Variants in ECE1 observed in about 807,000 individuals in gnomAD.
ECE1 encodes endothelin converting enzyme 1.
ECE1 carries 35 observed loss-of-function variants against 98.6 expected under a neutral mutation model. The ratio of observed to expected loss-of-function variants is 0.35; its 90% CI spans 0.27 to 0.47. The LOEUF is 0.47. Among genes scored for constraint, ECE1 ranks in the 20% least tolerant of loss-of-function variants. ECE1 has a pLI of 1.00. For synonymous variants in ECE1, 394 were observed against 407.1 expected, an observed-to-expected ratio of 0.97 and a Z score of 0.39; for missense variants, 814 against 1,025.3, an observed-to-expected ratio of 0.79 and a Z score of 2.81.
At chr1:21,282,411 A>C (rs1558411727) in intron 2 of ECE1, among the ~76,000 whole-genome samples, 1 of 148,428 alleles carries the variant, frequency 6.7e-6, no homozygotes, top group Non-Finnish European at 1.5e-5. Context: ...AACATGGTGA[A>C]ACCCTGTCTC....
At chr1:21,264,675 C>G (rs967363178) in intron 4 of ECE1, among the ~76,000 whole-genome samples, 1 of 152,194 alleles carries the variant, frequency 6.6e-6, no homozygotes, top group South Asian at 2.1e-4. Context: ...GGCAATACTG[C>G]CCCCAGGAAT....
upstream of ECE1, among the ~76,000 whole-genome samples, chr1:21,294,887 G>A (rs1277844077): frequency 1.3e-5 from 2 of 152,212 alleles, no homozygotes; most frequent in Non-Finnish European, 2.9e-5. This position sits in a 1 kb window ranked among gnomAD's most constrained non-coding sequence, Gnocchi z 4.2. Flanking sequence ...CCTTAGAGAC[G>A]CTGCCCTTTG....
chr1:21,232,813 G>A (rs947475002), intron 14 of ECE1, among the ~76,000 whole-genome samples: 3 of 151,974 alleles, frequency 2.0e-5, no homozygotes, highest in Non-Finnish European at 2.9e-5. Flanking sequence ...GAGTAGCTGG[G>A]ACTACAGGTG....
intron 8 of ECE1, among the ~76,000 whole-genome samples, chr1:21,252,364 C>T (rs3026888): frequency 0.021 from 3,236 of 152,328 alleles, 56 homozygotes; most frequent in Middle Eastern, 0.034. Context: ...CTAGGACATT[C>T]CACTTGTGAC....
At chr1:21,343,493 G>T (rs1639441103) in intron 1 of ECE1, among the ~76,000 whole-genome samples, 1 of 152,212 alleles carries the variant, frequency 6.6e-6, no homozygotes, top group South Asian at 2.1e-4. Context: ...GGGCAAATAG[G>T]TTAGATGTTA....
intron 10 of ECE1, among the ~76,000 whole-genome samples, 157 bp downstream of exon 10, chr1:21,244,832 C>T (rs1336911723): frequency 1.3e-5 from 2 of 152,154 alleles, no homozygotes; most frequent in Non-Finnish European, 2.9e-5. Context: ...GGCTGAGTGG[C>T]TAGGACTCCT....
rs1467274916 is a variant in ECE1 at position 21,220,708 on chromosome 1, AT to A, written c.2137-578del. On this transcript the variant is annotated intron_variant, in intron 18 of 18. Transcript: ENST00000374893. The surrounding 1 kb of genome is among the most constrained non-coding windows in gnomAD (Gnocchi z 5.0). ...CTACATGAGAGGATGAGGCAGGAGA[AT>A]CACTTGAACCCGGGAGGTTGAGGTT... Among the ~76,000 whole-genome samples the A allele has an allele frequency of 2.0e-5, 3 of 152,176 alleles. No homozygotes were observed. Among genetic ancestry groups the A allele is most frequent in the African/African-American group, 7.2e-5 (3 of 41,440 alleles).
At chr1:21,300,789 A>G (rs1638466675) in intron 1 of ECE1, among the ~76,000 whole-genome samples, 1 of 152,106 alleles carries the variant, frequency 6.6e-6, no homozygotes, top group South Asian at 2.1e-4. Context: ...TCTTAAGAGC[A>G]TAGACTCTGA....
At chr1:21,272,957 G>A (rs1402702989) in intron 3 of ECE1, 46 bp from the exon 4 acceptor site, 2 of 1,607,204 alleles carry the variant, frequency 1.2e-6, no homozygotes, top group Admixed American at 1.7e-5. Flanking sequence ...AGGCAGGGAA[G>A]AAGCAGGGAG....
rs769493597 is a variant in ECE1 at position 21,236,757 on chromosome 1, C to T, written c.1477G>A (p.Ala493Thr). ...CTGGCCAGCCTCACCTTTTCCTTGGCTGATTTTCGGGTTTCCTCATCCATC... is the reference window on the plus strand; with the variant it reads ...CTGGCCAGCCTCACCTTTTCCTTGGTTGATTTTCGGGTTTCCTCATCCATC... ...KWMDEETRKS[A>T]KEKADAIYNM... The change falls in exon 12 of 19, where the codon GCC becomes ACC. Residue 493 changes from alanine to threonine, a missense_variant. Coordinates refer to ENST00000374893, the MANE Select transcript of ECE1 (RefSeq NM_001397.3). The T allele has an allele frequency of 8.7e-6, 14 of 1,614,092 alleles. No individual in the cohort carries two copies. In the South Asian group the frequency reaches 1.4e-4, roughly 16 times the overall value.
intron 1 of ECE1, among the ~76,000 whole-genome samples, chr1:21,323,552 A>C (rs111841967): frequency 0.022 from 3,287 of 152,062 alleles, 121 homozygotes; most frequent in African/African-American, 0.075. Flanking sequence ...TGAGCCTGGG[A>C]GTTCGAGACT....
chr1:21,241,198 G>A (rs778624785), intron 10 of ECE1, among the ~76,000 whole-genome samples: 3 of 151,786 alleles, frequency 2.0e-5, no homozygotes, highest in East Asian at 3.9e-4. Flanking sequence ...CACTACCCCC[G>A]GTAATTTTTG....
chr1:21,271,249 C>T lies in ECE1; in HGVS notation c.493+1450G>A, dbSNP rs28367961. ...AGGGTGGGTGTGTTTTACCTAGCGGCGGCTCTGCTCTGTGGGGCTGGGGCA... is the reference window on the plus strand; with the variant it reads ...AGGGTGGGTGTGTTTTACCTAGCGGTGGCTCTGCTCTGTGGGGCTGGGGCA... On this transcript the variant is annotated intron_variant, in intron 4 of 18. Transcript: ENST00000374893. 5.3e-3 allele frequency among the ~76,000 whole-genome samples: 813 copies of T among 152,216 alleles called. 8 individuals are homozygous for T. The highest frequency in any genetic ancestry group is 0.019 in the African/African-American group (778 of 41,536).
Position 21,233,315 on chromosome 1 carries a change from C to T in ECE1, c.1670+243G>A, listed in dbSNP as rs2103230878. ...GCCAGATCGGCTCCGCTCCAGAGGCCAGGCTCACCCTGCCAACAGGCTGGG... is the reference window on the plus strand; with the variant it reads ...GCCAGATCGGCTCCGCTCCAGAGGCTAGGCTCACCCTGCCAACAGGCTGGG... On this transcript the variant is annotated intron_variant, in intron 14 of 18. Transcript: ENST00000374893. This position sits in a 1 kb window ranked among gnomAD's most constrained non-coding sequence, Gnocchi z 4.0. The T allele has an allele frequency of 2.1e-6, 1 of 480,510 alleles. No homozygotes were observed. Among genetic ancestry groups the T allele is most frequent in the Admixed American group, 3.4e-5 (1 of 29,638 alleles). 29.8% of individuals were successfully genotyped at this position (480,510 alleles called of 1,614,324 possible).
At chr1:21,328,621 G>C (rs1639131928) in intron 1 of ECE1, among the ~76,000 whole-genome samples, 1 of 152,120 alleles carries the variant, frequency 6.6e-6, no homozygotes, top group Admixed American at 6.5e-5. Context: ...AAATTAGCCA[G>C]GCATGGTGGC....
At chr1:21,336,553 G>A (rs575622863) in intron 1 of ECE1, among the ~76,000 whole-genome samples, 31 of 151,718 alleles carry the variant, frequency 2.0e-4, no homozygotes, top group African/African-American at 6.3e-4. Context: ...AAAATTAGTC[G>A]GCTGTGGCCG....
At chr1:21,331,539 C>T (rs1016350182) in intron 1 of ECE1, among the ~76,000 whole-genome samples, 4 of 151,586 alleles carry the variant, frequency 2.6e-5, no homozygotes, top group Admixed American at 6.6e-5. Flanking sequence ...CCATGATGCA[C>T]GATGGTGCCA....
intron 4 of ECE1, among the ~76,000 whole-genome samples, chr1:21,263,510 C>A (rs965581500): frequency 6.6e-6 from 1 of 152,116 alleles, no homozygotes; most frequent in Admixed American, 6.5e-5. Context: ...GCGTGTACCA[C>A]CACGCCTGGC....
intron 1 of ECE1, among the ~76,000 whole-genome samples, chr1:21,330,921 A>C (rs540247529): frequency 6.6e-6 from 1 of 152,324 alleles, no homozygotes; most frequent in African/African-American, 2.4e-5. Context: ...CTCAGAGTCC[A>C]TGAGACTGGC....
Sources: allele counts gnomAD v4.1 joint callset (sites outside exome capture counted in the v4.1 genomes callset), GRCh38; gene constraint gnomAD v4.1.1; non-coding constraint Gnocchi (gnomAD v3.1); transcripts MANE v1.5; gene names NCBI Gene and HGNC (gene_info 2026-07-23, HGNC 2026-07-21).